The following DISP3 variants were observed in gnomAD, a reference collection of about 807,000 sequenced individuals.
DISP3 encodes dispatched RND transporter family member 3, also known as protein dispatched homolog 3.
In DISP3, 101 loss-of-function variants were observed where a neutral mutation model predicts 135.3. The ratio of observed to expected loss-of-function variants is 0.75; its 90% CI spans 0.64 to 0.88. The LOEUF (loss-of-function observed/expected upper bound fraction) is 0.88. Ranked by LOEUF, DISP3 falls within the 40% of genes least tolerant of loss-of-function variation. The pLI, the probability that DISP3 is intolerant of heterozygous loss-of-function variation, is 0.00. For missense variants in DISP3, 1,713 were observed against 1,878.6 expected (o/e 0.91, Z 1.63); for synonymous variants, 856 against 817.0 (o/e 1.05, Z -0.81).
intron 1 of DISP3, among the ~76,000 whole-genome samples, chr1:11,490,829 T>C (rs574918678): frequency 6.6e-6 from 1 of 152,118 alleles, no homozygotes; most frequent in South Asian, 2.1e-4. Flanking sequence ...AGGGTGGGGG[T>C]TGGATCAGAC....
In DISP3 at chr1:11,526,752, G is replaced by A. The variant is rs376336177; in HGVS notation, c.2715G>A (p.Leu905=). 106 of 1,613,870 alleles carry A rather than the reference G, an allele frequency of 6.6e-5. No individual in the cohort carries two copies. The highest frequency in any genetic ancestry group is 8.5e-5 in the Non-Finnish European group (100 of 1,180,056). The part of the protein sequence containing the change: ...QAASPSRKWM[L]TTLACDAKRG... Reference sequence around the variant, plus strand: ...CGAGCCCCTCCCGCAAGTGGATGCTGACGACCTTGGCCTGTGATGCCAAGC... The same window carrying A: ...CGAGCCCCTCCCGCAAGTGGATGCTAACGACCTTGGCCTGTGATGCCAAGC... Residue 905 remains leucine (L), a synonymous_variant, in exon 13 of 21, where the codon CTG becomes CTA. Transcript: ENST00000294484.
In DISP3 at chr1:11,501,656, C is replaced by G. The variant is rs755708461; in HGVS notation, c.664C>G (p.Arg222Gly). The G allele has an allele frequency of 7.5e-6, 12 of 1,608,688 alleles. No homozygotes were observed. The Admixed American group carries it at 1.8e-4, about 25-fold the overall frequency. ...GGCAGCCAACCAGAGTGAAGACCCG[C>G]GAAACCAGCGGCTGAGCAAGAATGG... ...DLAANQSEDP[R>G]NQRLSKNGRY... The change falls in exon 2 of 21, where the codon CGA becomes GGA. Residue 222 changes from arginine to glycine, a missense_variant. Transcript: ENST00000294484. The surrounding 1 kb of genome is among the most constrained non-coding windows in gnomAD (Gnocchi z 4.9).
intron 3 of DISP3, among the ~76,000 whole-genome samples, chr1:11,511,047 A>C (rs1410587201): frequency 6.6e-6 from 1 of 152,190 alleles, no homozygotes; most frequent in Non-Finnish European, 1.5e-5. Context: ...CATGGTAAAG[A>C]CCAGCCGCCA....
chr1:11,504,207 C>A (rs1229313277), intron 3 of DISP3, among the ~76,000 whole-genome samples: 2 of 152,256 alleles, frequency 1.3e-5, no homozygotes, highest in Non-Finnish European at 2.9e-5. Context: ...TCATTTAATT[C>A]TCACACCAAC....
intron 3 of DISP3, among the ~76,000 whole-genome samples, chr1:11,505,553 AGACTT>A (rs1271934518): frequency 1.3e-5 from 2 of 152,224 alleles, no homozygotes; most frequent in African/African-American, 4.8e-5. Context: ...ACAATCCTGT[AGACTT>A]GACTTAAGCG....
In DISP3 at chr1:11,531,553, C is replaced by T. The variant is rs764194913; in HGVS notation, c.3230-12C>T. ...GGCCACCACGCACTCCCTTTCTTGC[C>T]TCTCCCCGCAGGCTACAGCATCTCC... On this transcript the variant is annotated splice_polypyrimidine_tract_variant and intron_variant, in intron 16 of 20. Coordinates refer to ENST00000294484, the MANE Select transcript of DISP3 (RefSeq NM_020780.2). This position sits in a 1 kb window ranked among gnomAD's most constrained non-coding sequence, Gnocchi z 5.2. 7 of 1,613,290 alleles carry T rather than the reference C, an allele frequency of 4.3e-6. No homozygotes were observed. The highest frequency in any genetic ancestry group is 2.2e-5 in the South Asian group (2 of 91,076).
At chr1:11,512,618 C>A (rs1641887324) in intron 3 of DISP3, among the ~76,000 whole-genome samples, 1 of 152,224 alleles carries the variant, frequency 6.6e-6, no homozygotes, top group Admixed American at 6.5e-5. Flanking sequence ...AAGTTCCAAA[C>A]TTTCCCACAT....
At chr1:11,507,423 C>T (rs563130509) in intron 3 of DISP3, among the ~76,000 whole-genome samples, 2 of 152,290 alleles carry the variant, frequency 1.3e-5, no homozygotes, top group South Asian at 2.1e-4. Flanking sequence ...CTGCTTTTTC[C>T]GAGGCTTTCT....
At chr1:11,506,552 T>A (rs1381426000) in intron 3 of DISP3, among the ~76,000 whole-genome samples, 1 of 152,204 alleles carries the variant, frequency 6.6e-6, no homozygotes, top group Non-Finnish European at 1.5e-5. Context: ...TATTGTTCGG[T>A]TTTTCCTTTT....
In DISP3 at chr1:11,533,252, T is replaced by G. The variant is rs560392122; in HGVS notation, c.3376-1129T>G. 4.8e-5 allele frequency among the ~76,000 whole-genome samples: 7 copies of G among 146,138 alleles called. No homozygotes were observed. In the South Asian group the frequency reaches 1.6e-3, roughly 33 times the overall value. ...TGGTGTTTGTCCTTTGGTGACTGTT[T>G]CTTTTTTTTTTTTTTTTTTTTTTAA... On this transcript the variant is annotated intron_variant, in intron 17 of 20. Coordinates refer to ENST00000294484, the MANE Select transcript of DISP3 (RefSeq NM_020780.2).
chr1:11,481,082 C>A (rs948303329), intron 1 of DISP3, among the ~76,000 whole-genome samples: 5 of 151,870 alleles, frequency 3.3e-5, no homozygotes, highest in Non-Finnish European at 5.9e-5. Context: ...TACACACACA[C>A]ACACGCACAT....
chr1:11,517,432 C>T (rs1311407337), intron 6 of DISP3, 31 bp from the exon 7 acceptor site: 1 of 1,611,890 alleles, frequency 6.2e-7, no homozygotes, highest in Admixed American at 1.7e-5. Flanking sequence ...TCCAACCTGT[C>T]CCACATCCCT....
At position 11,531,461 on chromosome 1, in the gene DISP3, ACTCTAAGC is replaced by A; in HGVS notation, c.3230-100_3230-93del. The A allele has an allele frequency of 6.6e-7, 1 of 1,518,494 alleles. No homozygotes were observed. The highest frequency in any genetic ancestry group is 2.3e-5 in the East Asian group (1 of 43,900). The allele number at this position is 1,518,494 out of a possible 1,614,324, so 94.1% of individuals were successfully genotyped here. ...AATGCCGTTGCCAATGGTTACAAGCACTCTAAGCCTCAGAGGTATGTGAGTGCGTGGGC... is the reference window on the plus strand; with the variant it reads ...AATGCCGTTGCCAATGGTTACAAGCACTCAGAGGTATGTGAGTGCGTGGGC... On this transcript the variant is annotated intron_variant, in intron 16 of 20. Coordinates refer to ENST00000294484, the MANE Select transcript of DISP3 (RefSeq NM_020780.2). The surrounding 1 kb of genome is among the most constrained non-coding windows in gnomAD (Gnocchi z 5.2).
rs376090458 is a variant in DISP3, at chr1:11,514,474, C to T, written c.1401C>T (p.Phe467=). The T allele has an allele frequency of 1.2e-5, 20 of 1,614,166 alleles. No homozygotes were observed. Among genetic ancestry groups the T allele is most frequent in the South Asian group, 1.1e-4 (10 of 91,086 alleles). The change falls in exon 4 of 21, where the codon TTC becomes TTT. Residue 467 remains phenylalanine (F), a synonymous_variant. Transcript: ENST00000294484. ...TCAACAATGACATGCTCCTGGCCTT[C>T]ATCAGCAGCAGCTGCATTGCTGCCC... is the stretch of plus-strand genomic sequence containing the variant. The part of the protein sequence containing the change: ...RTFNNDMLLA[F]ISSSCIAALV...
At chr1:11,522,412 C>G (rs1412023790) in intron 10 of DISP3, among the ~76,000 whole-genome samples, 1 of 152,190 alleles carries the variant, frequency 6.6e-6, no homozygotes, top group Non-Finnish European at 1.5e-5. Flanking sequence ...GGCCACGTCC[C>G]CAGCTCCTCT....
Position 11,531,621 on chromosome 1 carries a change from G to C in DISP3, c.3286G>C (p.Glu1096Gln). ...MLHPECKELP[E>Q]PNLLPGQLSH... is the part of the protein sequence containing the mutation. ...GCACCCTGAGTGCAAGGAGCTGCCCGAGCCCAACCTGCTCCCGGGGCAGCT... is the reference window on the plus strand; with the variant it reads ...GCACCCTGAGTGCAAGGAGCTGCCCCAGCCCAACCTGCTCCCGGGGCAGCT... The change falls in exon 17 of 21, where the codon GAG becomes CAG. Residue 1096 changes from glutamate (E) to glutamine (Q), a missense_variant. Transcript: ENST00000294484. The surrounding 1 kb of genome is among the most constrained non-coding windows in gnomAD (Gnocchi z 5.2). 6 of 1,613,450 alleles carry C rather than the reference G, an allele frequency of 3.7e-6. No individual in the cohort carries two copies. Among genetic ancestry groups the C allele is most frequent in the Non-Finnish European group, 5.1e-6 (6 of 1,179,908 alleles).
intron 3 of DISP3, among the ~76,000 whole-genome samples, chr1:11,513,136 T>C (rs1321548013): frequency 2.6e-5 from 4 of 151,694 alleles, no homozygotes; most frequent in Admixed American, 6.6e-5. Context: ...ATAAAAAAAA[T>C]CGGCCAGGCA....
chr1:11,535,458 C>A lies in DISP3; in HGVS notation c.3650-20C>A, dbSNP rs546951543. ...CCAGGGCGGGGGATCCGAGCTGCCC[C>A]CCCTGCTGTCTCCTTGCAGGCATCG... On this transcript the variant is annotated intron_variant, in intron 19 of 20. Transcript: ENST00000294484. The A allele has an allele frequency of 9.4e-6, 15 of 1,592,352 alleles. No individual in the cohort carries two copies. Among genetic ancestry groups the A allele is most frequent in the Non-Finnish European group, 1.1e-5 (13 of 1,166,928 alleles).
intron 13 of DISP3, 108 bp downstream of exon 13, chr1:11,526,943 A>G: frequency 7.7e-7 from 1 of 1,292,566 alleles, no homozygotes; most frequent in Non-Finnish European, 1.0e-6. Flanking sequence ...AGGCCCCCTC[A>G]CTTTTTTTTT....
Sources: allele counts gnomAD v4.1 joint callset (sites outside exome capture counted in the v4.1 genomes callset), GRCh38; gene constraint gnomAD v4.1.1; non-coding constraint Gnocchi (gnomAD v3.1); transcripts MANE v1.5; gene names NCBI Gene and HGNC (gene_info 2026-07-23, HGNC 2026-07-21).